Variants in ANO6 observed in about 807,000 individuals in gnomAD.
The protein encoded by ANO6 is anoctamin 6.
Under a neutral mutation model 117.5 loss-of-function variants are expected in ANO6, and 106 were observed. The observed-to-expected ratio is 0.90, with a 90% CI of 0.77 to 1.06. ANO6 has a LOEUF of 1.06. Among genes scored for constraint, ANO6 ranks in the 50% least tolerant of loss-of-function variants. The pLI, the probability that ANO6 is intolerant of heterozygous loss-of-function variation, is 0.00. For synonymous variants in ANO6, 367 were observed against 385.1 expected, an observed-to-expected ratio of 0.95 and a Z score of 0.55; for missense variants, 955 against 1,121.1, an observed-to-expected ratio of 0.85 and a Z score of 2.12.
intron 1 of ANO6, chr12:45,228,291 CTTTTTTTTTTTTT>C: frequency 6.0e-6 from 1 of 166,828 alleles, no homozygotes; most frequent in South Asian, 5.7e-5. Context: ...CCAGGCCCTC[CTTTTTTTTTTTTT>C]TTTTTTTTTT....
intron 1 of ANO6, among the ~76,000 whole-genome samples, chr12:45,277,655 A>G (rs1938596887): frequency 6.6e-6 from 1 of 152,152 alleles, no homozygotes; most frequent in African/African-American, 2.4e-5. Flanking sequence ...GGGTCTGACA[A>G]TGCTTGTATT....
intron 1 of ANO6, among the ~76,000 whole-genome samples, chr12:45,227,907 T>G (rs1016549617): frequency 2.0e-5 from 3 of 152,210 alleles, no homozygotes; most frequent in African/African-American, 7.2e-5. Flanking sequence ...AATTATTGTG[T>G]GTGTTTTTTC....
intron 1 of ANO6, among the ~76,000 whole-genome samples, chr12:45,217,132 A>G (rs1425267300): frequency 6.6e-6 from 1 of 152,200 alleles, no homozygotes; most frequent in Non-Finnish European, 1.5e-5. Flanking sequence ...TTAAGAGCAA[A>G]AAAAGAAAAA....
At chr12:45,406,089 G>A (rs751142636) in intron 15 of ANO6, among the ~76,000 whole-genome samples, 4 of 152,068 alleles carry the variant, frequency 2.6e-5, no homozygotes, top group East Asian at 1.9e-4. Flanking sequence ...TTCCTCTCCC[G>A]CCTTTGGGCC....
chr12:45,239,194 A>G (rs1349307166), intron 1 of ANO6, among the ~76,000 whole-genome samples: 3 of 152,142 alleles, frequency 2.0e-5, no homozygotes, highest in Admixed American at 6.6e-5. Context: ...GTTGGTAGCT[A>G]TAAATTATTG....
intron 1 of ANO6, among the ~76,000 whole-genome samples, chr12:45,253,531 A>T (rs1937701459): frequency 6.6e-6 from 1 of 152,216 alleles, no homozygotes. Context: ...TAGAAGATAC[A>T]TGCAAACATT....
At chr12:45,293,697 A>G (rs1164014589) in intron 1 of ANO6, among the ~76,000 whole-genome samples, 2 of 143,732 alleles carry the variant, frequency 1.4e-5, no homozygotes, top group African/African-American at 5.2e-5. Flanking sequence ...AGTAGCTGGG[A>G]CTACAGGTGC....
intron 10 of ANO6, among the ~76,000 whole-genome samples, chr12:45,381,288 CTCTTT>C (rs766219632): frequency 4.6e-5 from 7 of 152,332 alleles, no homozygotes; most frequent in Non-Finnish European, 7.4e-5. Context: ...GACAACCTTT[CTCTTT>C]TCTTATTATA....
intron 1 of ANO6, among the ~76,000 whole-genome samples, chr12:45,279,829 G>T (rs866820828): frequency 5.8e-4 from 88 of 152,250 alleles, no homozygotes; most frequent in African/African-American, 2.0e-3. Flanking sequence ...AGGAAACAGA[G>T]TTGTGGCAGC....
At chr12:45,294,057 C>T (rs1158602821) in intron 1 of ANO6, among the ~76,000 whole-genome samples, 1 of 151,808 alleles carries the variant, frequency 6.6e-6, no homozygotes, top group Non-Finnish European at 1.5e-5. Context: ...GAAAGAGTAA[C>T]ACAGGGGATA....
chr12:45,403,082 G>A lies in ANO6; in HGVS notation c.1623G>A (p.Arg541=). The A allele has an allele frequency of 6.2e-7, 1 of 1,613,734 alleles. No homozygotes were observed. Among genetic ancestry groups the A allele is most frequent in the South Asian group, 1.1e-5 (1 of 91,064 alleles). Reference sequence around the variant, plus strand: ...TTCTTTTAACTACAGAACTCCCAAGGACCCAGACTGATTATGAGAACAGCC... The same window carrying A: ...TTCTTTTAACTACAGAACTCCCAAGAACCCAGACTGATTATGAGAACAGCC... ...AIMITNFELP[R]TQTDYENSLT... Residue 541 remains arginine (R), a synonymous_variant, in exon 14 of 20, where the codon AGG becomes AGA. Transcript: ENST00000320560.
In ANO6 at chr12:45,429,759, GATTTA is replaced by G. The variant is rs60631937; in HGVS notation, c.*456_*460del. 89,248 of 1,008,000 alleles carry G rather than the reference GATTTA, an allele frequency of 0.089. 6,108 individuals carry two copies. The highest frequency in any genetic ancestry group is 0.34 in the East Asian group (3,428 of 9,966). The allele number at this position is 1,008,000 out of a possible 1,614,324, so 62.4% of individuals were successfully genotyped here. The stretch of plus-strand genomic sequence containing the variant: ...TTTTCCTTACAGTACCATCATTATA[GATTTA>G]ATTTAATAGCTTTCATGTGATTAAA... On this transcript the variant is annotated 3_prime_UTR_variant, in exon 20 of 20. Transcript: ENST00000320560.
At chr12:45,248,520 G>A (rs1194363308) in intron 1 of ANO6, among the ~76,000 whole-genome samples, 4 of 142,768 alleles carry the variant, frequency 2.8e-5, no homozygotes, top group Non-Finnish European at 6.0e-5. Flanking sequence ...TGCAACCTCC[G>A]CTTCCCAGGT....
At chr12:45,221,164 G>A (rs1315278139) in intron 1 of ANO6, among the ~76,000 whole-genome samples, 2 of 152,162 alleles carry the variant, frequency 1.3e-5, no homozygotes, top group Admixed American at 1.3e-4. Context: ...CCCAGCTGGC[G>A]TTCATTGCTG....
intron 8 of ANO6, among the ~76,000 whole-genome samples, chr12:45,361,133 G>C (rs973813077): frequency 2.0e-5 from 3 of 152,128 alleles, no homozygotes; most frequent in African/African-American, 7.2e-5. Flanking sequence ...AGTTTGGAGA[G>C]TATTGCCATC....
At chr12:45,315,666 C>A (rs988469704) in intron 2 of ANO6, among the ~76,000 whole-genome samples, 7 of 152,014 alleles carry the variant, frequency 4.6e-5, no homozygotes, top group African/African-American at 1.7e-4. Context: ...TTTCTTAAAT[C>A]TTTTCTCTCA....
chr12:45,268,748 A>G (rs796829853), intron 1 of ANO6, among the ~76,000 whole-genome samples: 1 of 152,248 alleles, frequency 6.6e-6, no homozygotes, highest in South Asian at 2.1e-4. Flanking sequence ...TCTTCCTGCA[A>G]TAATAGGAAG....
chr12:45,355,226 G>A (rs1941380491), intron 7 of ANO6, among the ~76,000 whole-genome samples: 1 of 152,166 alleles, frequency 6.6e-6, no homozygotes, highest in South Asian at 2.1e-4. Context: ...GTGTTTGGCA[G>A]AGAGGGACAA....
intron 1 of ANO6, among the ~76,000 whole-genome samples, chr12:45,260,327 G>A (rs1317541167): frequency 6.6e-6 from 1 of 152,192 alleles, no homozygotes; most frequent in Non-Finnish European, 1.5e-5. Context: ...AGCTAATCAA[G>A]GAAGGAAGCA....
Sources: gnomAD v4.1 joint callset for allele counts (sites outside exome capture counted in the v4.1 genomes callset) on GRCh38, gnomAD v4.1.1 for gene constraint, MANE v1.5 for transcripts, NCBI Gene and HGNC (gene_info 2026-07-23, HGNC 2026-07-21) for gene names.